SIL1: variants seen among roughly 807,000 people sequenced by gnomAD.
The protein encoded by SIL1 is nucleotide exchange factor SIL1.
A neutral mutation model predicts 49.1 loss-of-function variants in SIL1; 40 were observed. The ratio of observed to expected loss-of-function variants is 0.81; its 90% CI spans 0.63 to 1.06. SIL1 has a LOEUF of 1.06. SIL1 is among the 50% of genes least tolerant of loss of function. The pLI is 0.00. For synonymous variants in SIL1, 253 were observed against 250.8 expected (o/e 1.01, Z -0.08); for missense variants, 500 against 572.6 (o/e 0.87, Z 1.29).
At chr5:139,088,514 T>C (rs1348062765) in intron 3 of SIL1, among the ~76,000 whole-genome samples, 1 of 152,146 alleles carries the variant, frequency 6.6e-6, no homozygotes, top group Non-Finnish European at 1.5e-5. Context: ...TCTGGGGCAA[T>C]AATGGGAAGA....
At chr5:138,983,457 G>A (rs1767578267) in intron 7 of SIL1, among the ~76,000 whole-genome samples, 2 of 149,110 alleles carry the variant, frequency 1.3e-5, no homozygotes, top group Middle Eastern at 3.8e-3. Flanking sequence ...GCAGTGAGCC[G>A]AGATCGCGCC....
intron 6 of SIL1, 38 bp downstream of exon 6, chr5:139,026,763 T>G: frequency 6.3e-7 from 1 of 1,584,620 alleles, no homozygotes; most frequent in Admixed American, 1.7e-5. Flanking sequence ...TTTTTGGAGC[T>G]GTTAAAAGTC....
intron 3 of SIL1, among the ~76,000 whole-genome samples, chr5:139,119,559 G>A (rs961522150): frequency 3.3e-5 from 5 of 152,140 alleles, no homozygotes; most frequent in South Asian, 2.1e-4. Flanking sequence ...CCAGGAGTTC[G>A]AGATTAGCCT....
intron 3 of SIL1, among the ~76,000 whole-genome samples, chr5:139,087,655 C>T (rs1282150128): frequency 2.6e-5 from 4 of 152,052 alleles, no homozygotes; most frequent in Non-Finnish European, 5.9e-5. Flanking sequence ...AGGGAGCAGT[C>T]ATACTGTTTT....
At chr5:139,034,543 A>C (rs887232252) in intron 5 of SIL1, 2 of 152,192 alleles carry the variant, frequency 1.3e-5, no homozygotes, top group Non-Finnish European at 2.9e-5. Context: ...AATATACATA[A>C]GTAACATCAT....
intron 3 of SIL1, among the ~76,000 whole-genome samples, chr5:139,110,817 G>A (rs1770824266): frequency 6.6e-6 from 1 of 152,204 alleles, no homozygotes; most frequent in African/African-American, 2.4e-5. Flanking sequence ...AGGTTCAGAG[G>A]AGCTTCCAAA....
chr5:139,018,813 T>G (rs1006711050), intron 7 of SIL1, among the ~76,000 whole-genome samples: 1 of 152,112 alleles, frequency 6.6e-6, no homozygotes, highest in Non-Finnish European at 1.5e-5. Context: ...TTTTCACAGG[T>G]CATTGTATAT....
chr5:139,025,295 C>G (rs777312758), intron 6 of SIL1, among the ~76,000 whole-genome samples: 54 of 152,310 alleles, frequency 3.5e-4, no homozygotes, highest in Non-Finnish European at 6.6e-4. Flanking sequence ...TTTTAGAGCA[C>G]AGAGTTTAGG....
intron 9 of SIL1, among the ~76,000 whole-genome samples, chr5:138,950,036 C>T (rs1007026507): frequency 5.9e-5 from 9 of 152,142 alleles, no homozygotes; most frequent in African/African-American, 1.2e-4. Context: ...GGCAGGCTCC[C>T]GGGGCCGGCA....
chr5:139,008,840 C>A (rs1054437836), intron 7 of SIL1, among the ~76,000 whole-genome samples: 1 of 152,136 alleles, frequency 6.6e-6, no homozygotes, highest in African/African-American at 2.4e-5. Context: ...TTTGTTATAA[C>A]TTCTGTTCTT....
intron 3 of SIL1, chr5:139,051,329 T>C: frequency 4.3e-6 from 2 of 462,224 alleles, no homozygotes; most frequent in Non-Finnish European, 8.0e-6. Flanking sequence ...CCTGCATATT[T>C]AAGCTCTTCT....
chr5:138,989,288 C>T (rs890338026), intron 7 of SIL1, among the ~76,000 whole-genome samples: 1 of 152,206 alleles, frequency 6.6e-6, no homozygotes, highest in Admixed American at 6.5e-5. Flanking sequence ...GTGGCTCACA[C>T]CTGTAATCCC....
intron 7 of SIL1, among the ~76,000 whole-genome samples, chr5:138,998,620 T>G: frequency 6.6e-6 from 1 of 152,146 alleles, no homozygotes; most frequent in South Asian, 2.1e-4. Flanking sequence ...GTGTCTCACA[T>G]GGTGACAGTG....
intron 3 of SIL1, among the ~76,000 whole-genome samples, chr5:139,067,816 C>G (rs1382345189): frequency 1.3e-5 from 2 of 152,218 alleles, no homozygotes; most frequent in Non-Finnish European, 2.9e-5. Flanking sequence ...ACTGTTCATT[C>G]CATTTGACCC....
chr5:139,038,144 A>T (rs1326940408), intron 5 of SIL1, among the ~76,000 whole-genome samples: 1 of 152,160 alleles, frequency 6.6e-6, no homozygotes, highest in East Asian at 1.9e-4. Context: ...CAAACATCAC[A>T]TTGCAGGGTT....
chr5:139,143,845 T>A (rs983150043), intron 1 of SIL1, among the ~76,000 whole-genome samples: 1 of 151,980 alleles, frequency 6.6e-6, no homozygotes, highest in Non-Finnish European at 1.5e-5. Context: ...TAAAACAGTA[T>A]CAAAAAGAAC....
intron 1 of SIL1, among the ~76,000 whole-genome samples, chr5:139,130,522 T>C (rs1476246110): frequency 1.3e-5 from 2 of 152,164 alleles, no homozygotes; most frequent in Non-Finnish European, 2.9e-5. Flanking sequence ...CCCTCGTACA[T>C]TGCTGGTGTA....
At chr5:138,998,236 G>A (rs1263961462) in intron 7 of SIL1, among the ~76,000 whole-genome samples, 1 of 152,114 alleles carries the variant, frequency 6.6e-6, no homozygotes, top group Non-Finnish European at 1.5e-5. Flanking sequence ...CTGGAGTGTG[G>A]TGGTGTGATC....
At chr5:139,181,981 G>GT (rs1265807786) in intron 1 of SIL1, among the ~76,000 whole-genome samples, 1 of 152,006 alleles carries the variant, frequency 6.6e-6, no homozygotes, top group Admixed American at 6.6e-5. Flanking sequence ...CACAGTTTTT[G>GT]TTTTTTTGGT....
Sources: allele counts gnomAD v4.1 joint callset (sites outside exome capture counted in the v4.1 genomes callset), GRCh38; gene constraint gnomAD v4.1.1; transcripts MANE v1.5; gene names NCBI Gene and HGNC (gene_info 2026-07-23, HGNC 2026-07-21).